Variants in WDR45B observed in about 807,000 individuals in gnomAD.
WDR45B encodes the protein WD repeat domain phosphoinositide-interacting protein 3.
WDR45B carries 20 observed loss-of-function variants against 44.6 expected under a neutral mutation model. That is an observed-to-expected ratio of 0.45 (90% confidence interval 0.32 to 0.65). The LOEUF (loss-of-function observed/expected upper bound fraction) is 0.65. WDR45B is among the 30% of genes least tolerant of loss of function. The probability of loss-of-function intolerance (pLI) is 0.05; values close to 1 mark genes in which losing one functional copy is unlikely to be tolerated. For synonymous variants in WDR45B, 169 were observed against 164.9 expected (o/e 1.02, Z -0.19); for missense variants, 323 against 430.2 (o/e 0.75, Z 2.20).
At chr17:82,636,171 G>T (rs75585487) in intron 2 of WDR45B, among the ~76,000 whole-genome samples, 17,134 of 148,160 alleles carry the variant, frequency 0.12, 1,100 homozygotes, top group Middle Eastern at 0.24. Flanking sequence ...TGAGGCAGGA[G>T]AATCACTTGA....
rs935265477 is a variant in WDR45B at position 82,620,526 on chromosome 17, G to A, written c.618+1083C>T. ...GAGTGAGCGGGACACGCCCCAAACCGCGTGTCCCCACGTGCTGAGGAGTGA... is the reference window on the plus strand; with the variant it reads ...GAGTGAGCGGGACACGCCCCAAACCACGTGTCCCCACGTGCTGAGGAGTGA... On this transcript the variant is annotated intron_variant, in intron 6 of 9. Coordinates refer to ENST00000392325, the MANE Select transcript of WDR45B (RefSeq NM_019613.4). Among the ~76,000 whole-genome samples, 15 of 152,184 alleles carry A rather than the reference G, an allele frequency of 9.9e-5. 1 individual carries two copies. Among genetic ancestry groups the A allele is most frequent in the African/African-American group, 3.4e-4 (14 of 41,446 alleles).
Position 82,627,204 on chromosome 17 carries a change from C to T in WDR45B, c.332G>A (p.Arg111Lys). 1.2e-6 allele frequency: 2 copies of T among 1,612,486 alleles called. No homozygotes were observed. Among genetic ancestry groups the T allele is most frequent in the Non-Finnish European group, 8.5e-7 (1 of 1,179,228 alleles). Residue 111 changes from arginine to lysine, a missense_variant and splice_region_variant, in exon 4 of 10, where the codon AGA (arginine) becomes AAA (lysine). Arg to Lys is a conservative substitution (Grantham distance 26). Coordinates refer to ENST00000392325, the MANE Select transcript of WDR45B (RefSeq NM_019613.4). ...EVKAVKLRRD[R>K]IVVVLDSMIK... ...AAAAAATTACTGACACCAAACCCAC[C>T]TATCTCGCCGCAGCTTGACTGCCTT... is the stretch of plus-strand genomic sequence containing the variant.
chr17:82,635,426 GT>G (rs35735710), intron 2 of WDR45B, among the ~76,000 whole-genome samples: 5,010 of 135,526 alleles, frequency 0.037, 99 homozygotes, highest in Middle Eastern at 0.064. Context: ...GTCTTTTCAG[GT>G]TTTTTTTTTT....
intron 2 of WDR45B, among the ~76,000 whole-genome samples, chr17:82,634,452 C>T (rs898726941): frequency 1.3e-5 from 2 of 151,826 alleles, no homozygotes; most frequent in African/African-American, 4.8e-5. Context: ...CTCGCCAGTG[C>T]ACTCCATCCA....
intron 7 of WDR45B, 96 bp downstream of exon 7, chr17:82,618,947 G>T: frequency 2.7e-6 from 3 of 1,108,526 alleles, no homozygotes; most frequent in South Asian, 1.3e-5. Flanking sequence ...ATTCGGGGGA[G>T]GGTGGCTGCT....
Position 82,616,565 on chromosome 17 carries a change from G to A in WDR45B, c.887C>T (p.Pro296Leu). ...CTCTGTTCCAAAGGCACAAATGCAC[G>A]GAGAGCCTGAGGGAACCTGAAACTT... ...FSKFQVPSGS[P>L]CICAFGTEPN... Residue 296 changes from proline to leucine, a missense_variant, in exon 9 of 10, where the codon CCG becomes CTG. Coordinates refer to ENST00000392325, the MANE Select transcript of WDR45B (RefSeq NM_019613.4). 2.5e-6 allele frequency: 4 copies of A among 1,614,208 alleles called. No homozygotes were observed. The highest frequency in any genetic ancestry group is 2.2e-5 in the East Asian group (1 of 44,874).
Position 82,632,922 on chromosome 17 carries a change from A to C in WDR45B, c.143-1900T>G, listed in dbSNP as rs146643988. The stretch of plus-strand genomic sequence containing the variant: ...AGTGGCTCACGCCTGTAATCTCAGC[A>C]CTTTGGGAGGCTGAGGCAGGTGGAT... On this transcript the variant is annotated intron_variant, in intron 2 of 9. Coordinates refer to ENST00000392325, the MANE Select transcript of WDR45B (RefSeq NM_019613.4). Among the ~76,000 whole-genome samples the C allele has an allele frequency of 2.8e-3, 424 of 152,218 alleles. 3 individuals carry two copies. Among genetic ancestry groups the C allele is most frequent in the Non-Finnish European group, 4.7e-3 (318 of 68,010 alleles).
At chr17:82,625,682 TGAGG>T (rs1208793597) in intron 4 of WDR45B, 199 bp from the exon 5 acceptor site, 1 of 595,204 alleles carries the variant, frequency 1.7e-6, no homozygotes, top group African/African-American at 1.8e-5. Flanking sequence ...CTGGCTCTGC[TGAGG>T]GAGTGCTTCT....
At chr17:82,638,222 G>C (rs1215665757) in intron 2 of WDR45B, among the ~76,000 whole-genome samples, 1 of 9,750 alleles carries the variant, frequency 1.0e-4, no homozygotes, top group African/African-American at 7.5e-4. Flanking sequence ...AAAGGGAGGG[G>C]AGGGGAGAGG....
rs1188735798 is a variant in WDR45B, at chr17:82,614,927, AG to A, written c.*991del. On this transcript the variant is annotated 3_prime_UTR_variant, in exon 10 of 10. Coordinates refer to ENST00000392325, the MANE Select transcript of WDR45B (RefSeq NM_019613.4). The stretch of plus-strand genomic sequence containing the variant: ...ATGTGCCTCTCCTTCCCAAAATGTT[AG>A]TGTGTAGCTATTCTTACAAATGAGG... 3 of 152,186 alleles carry A rather than the reference AG, an allele frequency of 2.0e-5. No homozygotes were observed. Among genetic ancestry groups the A allele is most frequent in the Non-Finnish European group, 2.9e-5 (2 of 68,024 alleles). The allele number at this position is 152,186 out of a possible 1,614,324, so 9.4% of individuals were successfully genotyped here. A position where few individuals can be genotyped will look rare whatever the true frequency, so the allele number is the denominator to read the frequency against.
intron 3 of WDR45B, 75 bp from the exon 4 acceptor site, chr17:82,627,366 G>T: frequency 7.8e-7 from 1 of 1,279,292 alleles, no homozygotes; most frequent in Non-Finnish European, 1.1e-6. Flanking sequence ...TGCCAGCTTG[G>T]CGCCTAAGGT....
intron 1 of WDR45B, 45 bp downstream of exon 1, chr17:82,648,229 C>T (rs1408424680): frequency 3.2e-6 from 5 of 1,579,372 alleles, no homozygotes; most frequent in Non-Finnish European, 4.3e-6. Context: ...CCCCGGGCTG[C>T]GGGAAGGCCC....
At chr17:82,639,034 G>T (rs1481978965) in intron 2 of WDR45B, among the ~76,000 whole-genome samples, 7 of 151,924 alleles carry the variant, frequency 4.6e-5, no homozygotes, top group Non-Finnish European at 8.8e-5. Context: ...TGTTGGCCAG[G>T]ATGGTCTCGA....
chr17:82,619,168 A>G, intron 6 of WDR45B, 40 bp from the exon 7 acceptor site: 1 of 1,600,916 alleles, frequency 6.2e-7, no homozygotes, highest in Non-Finnish European at 8.6e-7. Flanking sequence ...CAAAGATTCA[A>G]AACTTTTTCG....
chr17:82,618,926 C>T lies in WDR45B; in HGVS notation c.704+117G>A, dbSNP rs368970827. ...CCCCTAGCAGCCCAAGCTTCTCCCT[C>T]CTCTGGCCTTATTCGGGGGAGGGTG... On this transcript the variant is annotated intron_variant, in intron 7 of 9. Transcript: ENST00000392325. The T allele has an allele frequency of 1.6e-4, 146 of 894,852 alleles. 1 individual carries two copies. In the East Asian group the frequency reaches 1.7e-3, roughly 10 times the overall value. 55.4% of individuals were successfully genotyped at this position (894,852 alleles called of 1,614,324 possible).
At chr17:82,627,369 C>T in intron 3 of WDR45B, 78 bp from the exon 4 acceptor site, 2 of 1,265,026 alleles carry the variant, frequency 1.6e-6, no homozygotes, top group Non-Finnish European at 2.3e-6. Context: ...CAGCTTGGCG[C>T]CTAAGGTGTT....
intron 6 of WDR45B, among the ~76,000 whole-genome samples, chr17:82,620,919 G>GT (rs1245652081): frequency 6.6e-6 from 1 of 152,154 alleles, no homozygotes; most frequent in Non-Finnish European, 1.5e-5. Context: ...GTAAAAAAGG[G>GT]TTTTGAGCTG....
intron 2 of WDR45B, among the ~76,000 whole-genome samples, chr17:82,635,615 G>A (rs1224346779): frequency 2.0e-5 from 3 of 151,604 alleles, no homozygotes; most frequent in Admixed American, 6.6e-5. Context: ...TAGAGACGGC[G>A]TTTCACCATG....
chr17:82,644,044 A>G, intron 1 of WDR45B, 21 bp from the exon 2 acceptor site: 1 of 1,613,420 alleles, frequency 6.2e-7, no homozygotes, highest in South Asian at 1.1e-5. Context: ...AGTGTAAAAG[A>G]GACATTAATC....
Sources: allele counts gnomAD v4.1 joint callset (sites outside exome capture counted in the v4.1 genomes callset), GRCh38; gene constraint gnomAD v4.1.1; transcripts MANE v1.5; gene names NCBI Gene and HGNC (gene_info 2026-07-23, HGNC 2026-07-21).